The following SEC24C variants were observed in gnomAD, a reference collection of about 807,000 sequenced individuals.
The protein encoded by SEC24C is protein transport protein Sec24C.
In SEC24C, 22 loss-of-function variants were observed where a neutral mutation model predicts 117.0. The ratio of observed to expected loss-of-function variants is 0.19; its 90% confidence interval spans 0.13 to 0.27. SEC24C has a LOEUF of 0.27. Among genes scored for constraint, SEC24C ranks in the 10% least tolerant of loss-of-function variants. The probability of loss-of-function intolerance (pLI) is 1.00; values close to 1 mark genes in which losing one functional copy is unlikely to be tolerated. For synonymous variants in SEC24C, 506 were observed against 529.4 expected (o/e 0.96, Z 0.61); for missense variants, 1,155 against 1,375.1 (o/e 0.84, Z 2.53).
chr10:73,768,148 C>T (rs540549363), intron 15 of SEC24C, 141 bp downstream of exon 15: 2 of 711,232 alleles, frequency 2.8e-6, no homozygotes, highest in Non-Finnish European at 4.4e-6. Context: ...CTTTGGGAGG[C>T]TGAGGCAGGC....
At position 73,763,879 on chromosome 10, in the gene SEC24C, C is replaced by T; in HGVS notation, c.1123C>T (p.Arg375Ter). The change falls in exon 8 of 23, where the codon CGA (arginine) becomes TGA (stop). Residue 375 changes from arginine (R) to a stop codon, truncating the protein, a stop_gained. Coordinates refer to ENST00000345254, the MANE Select transcript of SEC24C (RefSeq NM_198597.3). LOFTEE classifies it high-confidence loss of function. ...AGGGAATGCAAGTCCCCGATACATC[C>T]GATGTACATCCTATAATATCCCTTG... is the stretch of plus-strand genomic sequence containing the variant. The part of the protein sequence containing the change: ...DQGNASPRYI[R>*]CTSYNIPCTS... The T allele has an allele frequency of 2.5e-6, 4 of 1,613,474 alleles. No individual in the cohort carries two copies. The highest frequency in any genetic ancestry group is 2.2e-5 in the East Asian group (1 of 44,832).
intron 3 of SEC24C, 82 bp from the exon 4 acceptor site, chr10:73,759,540 T>C: frequency 1.8e-6 from 2 of 1,089,856 alleles, no homozygotes; most frequent in South Asian, 5.1e-5. Flanking sequence ...ACAATGTAGC[T>C]TCCTGTATGA....
rs746192574 is a variant in SEC24C at position 73,765,930 on chromosome 10, C to T, written c.1482+15C>T. The stretch of plus-strand genomic sequence containing the variant: ...ATTACTGCAAGGTGAGGGAAGGTAG[C>T]ATGGGAGGAGCAGTGAGTGGAGGAT... On this transcript the variant is annotated intron_variant, in intron 10 of 22. Coordinates refer to ENST00000345254, the MANE Select transcript of SEC24C (RefSeq NM_198597.3). 5.0e-6 allele frequency: 8 copies of T among 1,603,424 alleles called. No individual in the cohort carries two copies. In the African/African-American group the frequency reaches 9.4e-5, roughly 19 times the overall value.
intron 3 of SEC24C, among the ~76,000 whole-genome samples, chr10:73,754,619 C>G (rs1412929018): frequency 6.6e-6 from 1 of 152,086 alleles, no homozygotes; most frequent in Non-Finnish European, 1.5e-5. Context: ...AAACTCTATT[C>G]AAGTAGAGAT....
intron 3 of SEC24C, among the ~76,000 whole-genome samples, chr10:73,757,942 A>C (rs1311039878): frequency 1.3e-5 from 2 of 150,128 alleles, no homozygotes; most frequent in African/African-American, 2.5e-5. Flanking sequence ...AAAAAAAAAA[A>C]AAAAAACGTA....
intron 9 of SEC24C, 32 bp downstream of exon 9, chr10:73,765,621 G>C (rs1373241829): frequency 5.6e-6 from 9 of 1,606,970 alleles, no homozygotes; most frequent in Non-Finnish European, 7.7e-6. Context: ...TTTGGGGGAA[G>C]GTCTTGATTG....
In SEC24C at chr10:73,747,019, C is replaced by T; in HGVS notation, c.172+15C>T. The stretch of plus-strand genomic sequence containing the variant: ...ACCTCCCCAAGGTATGTTTCTGTTT[C>T]TGTTTCCTTTGAGCTAGGGAGGGAA... On this transcript the variant is annotated intron_variant, in intron 2 of 22. Transcript: ENST00000345254. 6.2e-7 allele frequency: 1 copy of T among 1,607,814 alleles called. No homozygotes were observed. The highest frequency in any genetic ancestry group is 1.1e-5 in the South Asian group (1 of 89,854).
chr10:73,764,080 G>A, intron 8 of SEC24C, 97 bp downstream of exon 8: 2 of 1,431,638 alleles, frequency 1.4e-6, no homozygotes, highest in Non-Finnish European at 1.9e-6. Flanking sequence ...CACAATGGAA[G>A]ATATTTTAGT....
At chr10:73,765,758 G>A (rs998989793) in intron 9 of SEC24C, 42 bp from the exon 10 acceptor site, 1 of 1,589,336 alleles carries the variant, frequency 6.3e-7, no homozygotes, top group Non-Finnish European at 8.6e-7. Context: ...TACTAAGATT[G>A]AAACTGGATC....
At position 73,765,871 on chromosome 10, in the gene SEC24C, T is replaced by A. The variant is rs1274347284; in HGVS notation, c.1438T>A (p.Ser480Thr). ...RVDAYDRPEL[S>T]LGSYEFLATV... ...GGATGCTTATGACCGCCCTGAGCTA[T>A]CCCTGGGCTCTTATGAATTCTTGGC... Residue 480 changes from serine (S) to threonine (T), a missense_variant, in exon 10 of 23, where the codon TCC (serine) becomes ACC (threonine). Ser to Thr is a moderately conservative substitution (Grantham distance 58). Transcript: ENST00000345254. 6.2e-7 allele frequency: 1 copy of A among 1,614,120 alleles called. No homozygotes were observed. Among genetic ancestry groups the A allele is most frequent in the South Asian group, 1.1e-5 (1 of 91,082 alleles).
chr10:73,765,444 G>T lies in SEC24C; in HGVS notation c.1228-7G>T, dbSNP rs780036527. 1 of 1,607,496 alleles carries T rather than the reference G, an allele frequency of 6.2e-7. No individual in the cohort carries two copies. The highest frequency in any genetic ancestry group is 8.5e-7 in the Non-Finnish European group (1 of 1,174,540). On this transcript the variant is annotated splice_polypyrimidine_tract_variant and splice_region_variant and intron_variant, in intron 8 of 22. Coordinates refer to ENST00000345254, the MANE Select transcript of SEC24C (RefSeq NM_198597.3). The stretch of plus-strand genomic sequence containing the variant: ...TTATGTCTGATCCCTTCCCCTTTGC[G>T]CCTTAGGCTTCACCGTATGTTGTGG...
chr10:73,750,227 TGAGC>T (rs1296023329), intron 2 of SEC24C, among the ~76,000 whole-genome samples: 1 of 152,216 alleles, frequency 6.6e-6, no homozygotes, highest in African/African-American at 2.4e-5. Context: ...TCATGGTTGG[TGAGC>T]AAGTTTAGGC....
At chr10:73,756,140 C>T (rs2082707170) in intron 3 of SEC24C, among the ~76,000 whole-genome samples, 1 of 152,154 alleles carries the variant, frequency 6.6e-6, no homozygotes, top group South Asian at 2.1e-4. Flanking sequence ...GCATGGGCCA[C>T]TGTGCCTGGC....
In SEC24C at chr10:73,772,081, C is replaced by T. The variant is rs751566637; in HGVS notation, c.*986C>T. ...GCTCCCCACCTGGGATGCCCCTGCT[C>T]TGGACCTCTCATTTCTCTTCATTGG... On this transcript the variant is annotated 3_prime_UTR_variant, in exon 23 of 23. Transcript: ENST00000345254. 31 of 393,216 alleles carry T rather than the reference C, an allele frequency of 7.9e-5. No individual in the cohort carries two copies. Among genetic ancestry groups the T allele is most frequent in the Non-Finnish European group, 3.2e-5 (7 of 222,182 alleles). The allele number at this position is 393,216 out of a possible 1,614,324, so 24.4% of individuals were successfully genotyped here.
chr10:73,756,784 A>G (rs1325621255), intron 3 of SEC24C, among the ~76,000 whole-genome samples: 1 of 151,518 alleles, frequency 6.6e-6, no homozygotes, highest in Non-Finnish European at 1.5e-5. Flanking sequence ...TATTTTTAGT[A>G]GAGACAGGGT....
chr10:73,755,920 C>T (rs949935632), intron 3 of SEC24C, among the ~76,000 whole-genome samples: 2 of 150,998 alleles, frequency 1.3e-5, no homozygotes, highest in Non-Finnish European at 2.9e-5. Context: ...GGCACGATCT[C>T]TGCTCACTGC....
rs1256659296 is a variant in SEC24C at position 73,771,491 on chromosome 10, C to T, written c.*396C>T. 8.6e-5 allele frequency: 16 copies of T among 186,878 alleles called. No homozygotes were observed. The highest frequency in any genetic ancestry group is 8.2e-4 in the Admixed American group (15 of 18,364). 11.6% of individuals were successfully genotyped at this position (186,878 alleles called of 1,614,324 possible). A position where few individuals can be genotyped will look rare whatever the true frequency, so the allele number is the denominator to read the frequency against. On this transcript the variant is annotated 3_prime_UTR_variant, in exon 23 of 23. Transcript: ENST00000345254. ...GGGATCCTAAGGTTACTACAGGGGG[C>T]TCAGTGTCATCCACAACTTCCTATA...
In SEC24C at chr10:73,759,619, C is replaced by T. The variant is rs2082763616; in HGVS notation, c.309-3C>T. On this transcript the variant is annotated splice_polypyrimidine_tract_variant and splice_region_variant and intron_variant, in intron 3 of 22. Transcript: ENST00000345254. ...GTCACCTCTGCTTGCTTTCTTTTCA[C>T]AGGCTGCCTGGGTCTCAGCCATTTG... The T allele has an allele frequency of 1.3e-6, 2 of 1,507,160 alleles. No individual in the cohort carries two copies. Among genetic ancestry groups the T allele is most frequent in the East Asian group, 4.8e-5 (2 of 42,040 alleles). 93.4% of individuals were successfully genotyped at this position (1,507,160 alleles called of 1,614,324 possible).
chr10:73,761,618 G>T (rs2082797758), intron 6 of SEC24C, among the ~76,000 whole-genome samples: 1 of 152,068 alleles, frequency 6.6e-6, no homozygotes, highest in Non-Finnish European at 1.5e-5. Flanking sequence ...CCTCCTTTGG[G>T]TAACCAACAC....
Sources: allele counts gnomAD v4.1 joint callset (sites outside exome capture counted in the v4.1 genomes callset), GRCh38; gene constraint gnomAD v4.1.1; transcripts MANE v1.5; gene names NCBI Gene and HGNC (gene_info 2026-07-23, HGNC 2026-07-21).